The following NBAS variants were observed in gnomAD, a reference collection of about 807,000 sequenced individuals.
NBAS encodes the protein NAG/BC035112 fusion.
NBAS carries 219 observed loss-of-function variants against 302.5 expected under a neutral mutation model. The observed-to-expected ratio is 0.72, with a 90% CI of 0.65 to 0.81. The LOEUF (loss-of-function observed/expected upper bound fraction) is 0.81. Ranked by LOEUF, NBAS falls within the 30% of genes least tolerant of loss-of-function variation. The pLI is 0.00. For synonymous variants in NBAS, 1,118 were observed against 1,021.6 expected (o/e 1.09, Z -1.80); for missense variants, 2,932 against 2,841.6 (o/e 1.03, Z -0.72).
the NBAS span, among the ~76,000 whole-genome samples, chr2:15,024,754 A>C: frequency 6.6e-6 from 1 of 152,132 alleles, no homozygotes; most frequent in Non-Finnish European, 1.5e-5. Flanking sequence ...TTTTGGTTGC[A>C]TGTATGTCTT....
chr2:15,011,755 C>T, the NBAS span, among the ~76,000 whole-genome samples: 1 of 152,202 alleles, frequency 6.6e-6, no homozygotes, highest in African/African-American at 2.4e-5. Context: ...CATGCCACCA[C>T]TACCACAAAC....
the NBAS span, among the ~76,000 whole-genome samples, chr2:15,138,693 C>CAA: frequency 7.0e-6 from 1 of 142,868 alleles, no homozygotes; most frequent in African/African-American, 2.6e-5. Flanking sequence ...AGTAACTGGG[C>CAA]AAAAAAAAAA....
chr2:14,978,040 C>T, the NBAS span, among the ~76,000 whole-genome samples: 1 of 152,172 alleles, frequency 6.6e-6, no homozygotes, highest in Non-Finnish European at 1.5e-5. Context: ...CTACCAGACA[C>T]ATTATACTCC....
intron 38 of NBAS, among the ~76,000 whole-genome samples, chr2:15,326,807 AGT>A (rs1330905882): frequency 1.3e-5 from 2 of 152,128 alleles, no homozygotes; most frequent in East Asian, 3.9e-4. Context: ...AAAAACCTCT[AGT>A]GTTCAAGGGA....
At chr2:14,846,972 A>C in the NBAS span, among the ~76,000 whole-genome samples, 15 of 152,222 alleles carry the variant, frequency 9.9e-5, no homozygotes, top group Non-Finnish European at 1.6e-4. Flanking sequence ...CTTATCATTA[A>C]TAACATTGAA....
intron 50 of NBAS, among the ~76,000 whole-genome samples, chr2:15,184,460 G>A (rs1263627919): frequency 5.9e-5 from 9 of 151,778 alleles, no homozygotes; most frequent in Admixed American, 5.9e-4. Flanking sequence ...GTCCCACCGA[G>A]GGGCGATGGG....
At chr2:14,856,818 G>A in the NBAS span, among the ~76,000 whole-genome samples, 19,434 of 151,944 alleles carry the variant, frequency 0.13, 2,213 homozygotes, top group African/African-American at 0.3. Context: ...TAGCCTCAAC[G>A]GGGCAAATAT....
At chr2:15,467,248 A>G (rs1679761156) in intron 19 of NBAS, 81 bp downstream of exon 19, 1 of 1,039,658 alleles carries the variant, frequency 9.6e-7, no homozygotes, top group Admixed American at 1.7e-5. Flanking sequence ...AAGACCAAGA[A>G]TATCCGATAT....
chr2:14,807,344 T>A, the NBAS span, among the ~76,000 whole-genome samples: 1 of 152,234 alleles, frequency 6.6e-6, no homozygotes, highest in Non-Finnish European at 1.5e-5. Context: ...TTTTCATAAA[T>A]GTCCAAACTT....
chr2:15,410,696 C>A (rs1211411544), intron 25 of NBAS, among the ~76,000 whole-genome samples: 1 of 152,210 alleles, frequency 6.6e-6, no homozygotes, highest in Non-Finnish European at 1.5e-5. Context: ...AAAATTAAAA[C>A]ACCTACTGTA....
At chr2:15,330,460 G>T in intron 36 of NBAS, 138 bp downstream of exon 36, 1 of 1,098,378 alleles carries the variant, frequency 9.1e-7, no homozygotes, top group Non-Finnish European at 1.3e-6. Flanking sequence ...CCTATCTGAT[G>T]AGAGGCCTAC....
chr2:15,469,424 T>C (rs1043624932), intron 16 of NBAS, among the ~76,000 whole-genome samples: 4 of 152,152 alleles, frequency 2.6e-5, no homozygotes, highest in Non-Finnish European at 4.4e-5. Flanking sequence ...TGGAAGACAG[T>C]GTGGCGATTC....
intron 35 of NBAS, among the ~76,000 whole-genome samples, chr2:15,348,823 A>G (rs1673216653): frequency 6.6e-6 from 1 of 152,198 alleles, no homozygotes; most frequent in Non-Finnish European, 1.5e-5. Context: ...GAGAAGCACA[A>G]TAAGAGCACA....
At chr2:15,092,072 T>C in the NBAS span, among the ~76,000 whole-genome samples, 1 of 152,166 alleles carries the variant, frequency 6.6e-6, no homozygotes, top group Non-Finnish European at 1.5e-5. Context: ...CAACTGTAAA[T>C]GGGGAAACTG....
At chr2:15,186,141 T>C (rs1019422016) in intron 50 of NBAS, among the ~76,000 whole-genome samples, 1 of 151,052 alleles carries the variant, frequency 6.6e-6, no homozygotes, top group Non-Finnish European at 1.5e-5. Context: ...TATATATATA[T>C]ACACTTATGT....
chr2:15,166,892 G>T (rs1019105196), downstream of NBAS: 7 of 1,000,768 alleles, frequency 7.0e-6, no homozygotes, highest in African/African-American at 1.1e-4. Context: ...GAAAAAAAAG[G>T]TTAAAAAAGC....
chr2:15,075,425 TC>T, the NBAS span, among the ~76,000 whole-genome samples: 1 of 152,126 alleles, frequency 6.6e-6, no homozygotes, highest in Non-Finnish European at 1.5e-5. Context: ...AGGAAAGAGA[TC>T]CAAGTGTTTA....
At chr2:15,005,982 G>A in the NBAS span, among the ~76,000 whole-genome samples, 1 of 152,186 alleles carries the variant, frequency 6.6e-6, no homozygotes, top group Non-Finnish European at 1.5e-5. Context: ...AGGTAAGGGA[G>A]ACCAGTTTGA....
the NBAS span, among the ~76,000 whole-genome samples, chr2:15,113,320 C>CGTGTGTGTGTGTGTGTGTGT: frequency 1.3e-4 from 17 of 129,942 alleles, no homozygotes; most frequent in East Asian, 1.5e-3. Context: ...GGTATGAACT[C>CGTGTGTGTGTGTGTGTGTGT]GTGTGTGTGT....
Sources: allele counts gnomAD v4.1 joint callset (sites outside exome capture counted in the v4.1 genomes callset), GRCh38; gene constraint gnomAD v4.1.1; transcripts MANE v1.5; gene names NCBI Gene and HGNC (gene_info 2026-07-23, HGNC 2026-07-21).